Variants in PATL1 observed in about 807,000 individuals in gnomAD.
PATL1 encodes protein PAT1 homolog 1.
A neutral mutation model predicts 100.6 loss-of-function variants in PATL1; 32 were observed. The observed-to-expected ratio is 0.32, with a 90% CI of 0.24 to 0.43. The LOEUF is 0.43. Ranked by LOEUF, PATL1 falls within the 20% of genes least tolerant of loss-of-function variation. The pLI is 1.00. For synonymous variants in PATL1, 332 were observed against 330.0 expected (o/e 1.01, Z -0.07); for missense variants, 747 against 949.9 (o/e 0.79, Z 2.81).
At position 59,643,023 on chromosome 11, in the gene PATL1, A is replaced by G. The variant is rs1490143102; in HGVS notation, c.1906T>C (p.Leu636=). ...KDAQDEVLPC[L]LSPFSLLLYH... ...AGAAGGAGAGAGAAGGGACTCAGTA[A>G]GCATGGCAGCACCTACAAAAAACAA... Residue 636 remains leucine, a synonymous_variant, in exon 16 of 19, where the codon TTA becomes CTA. Coordinates refer to ENST00000300146, the MANE Select transcript of PATL1 (RefSeq NM_152716.3). 1 of 1,613,942 alleles carries G rather than the reference A, an allele frequency of 6.2e-7. No individual in the cohort carries two copies. The highest frequency in any genetic ancestry group is 2.2e-5 in the East Asian group (1 of 44,862).
In PATL1 at chr11:59,638,273, C is replaced by T. The variant is rs1861222159; in HGVS notation, c.*117G>A. On this transcript the variant is annotated 3_prime_UTR_variant, in exon 19 of 19. Transcript: ENST00000300146. ...CCCCTGTAAACAGGAATCGATCCCA[C>T]AAGACTTTGCTTTGGGGAAAAAGCT... 1 of 1,034,822 alleles carries T rather than the reference C, an allele frequency of 9.7e-7. No individual in the cohort carries two copies. Among genetic ancestry groups the T allele is most frequent in the South Asian group, 1.4e-5 (1 of 73,210 alleles). The allele number at this position is 1,034,822 out of a possible 1,614,324, so 64.1% of individuals were successfully genotyped here.
chr11:59,644,369 T>C (rs200588664), intron 15 of PATL1, among the ~76,000 whole-genome samples: 2 of 152,250 alleles, frequency 1.3e-5, no homozygotes, highest in East Asian at 1.9e-4. Context: ...TATCATCTAG[T>C]ATCTGTTTCA....
Position 59,639,078 on chromosome 11 carries a change from T to G in PATL1, c.2261A>C (p.Gln754Pro). The G allele has an allele frequency of 6.2e-7, 1 of 1,613,912 alleles. No homozygotes were observed. ...VSLFSRYVDR[Q>P]KLNLLETKLQ... ...TTTTGTCTCCAGCAAGTTCAGTTTC[T>G]GCCGGTCAACATAGCGAGAAAAGAG... Residue 754 changes from glutamine to proline, a missense_variant, in exon 18 of 19, where the codon CAG becomes CCG. Gln to Pro is a moderately conservative substitution (Grantham distance 76, BLOSUM62 -1). Transcript: ENST00000300146.
In PATL1 at chr11:59,652,913, T is replaced by C. The variant is rs1861466760; in HGVS notation, c.1227A>G (p.Glu409=). The change falls in exon 10 of 19, where the codon GAA becomes GAG. Residue 409 remains glutamate (E), a synonymous_variant. Coordinates refer to ENST00000300146, the MANE Select transcript of PATL1 (RefSeq NM_152716.3). ...DPYANLMLQR[E]KDWVSKIQMM... is the part of the protein sequence containing the mutation. Reference sequence around the variant, plus strand: ...TCTGGATTTTAGAGACCCAATCCTTTTCCCGCTGCAACATGAGATTGGCAT... The same window carrying C: ...TCTGGATTTTAGAGACCCAATCCTTCTCCCGCTGCAACATGAGATTGGCAT... 1.2e-5 allele frequency: 20 copies of C among 1,613,988 alleles called. No individual in the cohort carries two copies. Among genetic ancestry groups the C allele is most frequent in the Non-Finnish European group, 1.7e-5 (20 of 1,179,882 alleles).
chr11:59,667,921 C>T (rs529972006), intron 1 of PATL1, among the ~76,000 whole-genome samples: 2 of 152,194 alleles, frequency 1.3e-5, no homozygotes, highest in Non-Finnish European at 2.9e-5. Context: ...ATTCCATATT[C>T]TATCAGTAGG....
At position 59,652,737 on chromosome 11, in the gene PATL1, G is replaced by T. The variant is rs974556969; in HGVS notation, c.1302+101C>A. ...GTGCAAGATGCTAAGTACCTCAAAA[G>T]AAAATTTTACAAATATTTAATTGTA... On this transcript the variant is annotated intron_variant, in intron 10 of 18. Transcript: ENST00000300146. 1.4e-5 allele frequency: 21 copies of T among 1,499,134 alleles called. No individual in the cohort carries two copies. The African/African-American group carries it at 2.0e-4, about 14-fold the overall frequency. 92.9% of individuals were successfully genotyped at this position (1,499,134 alleles called of 1,614,324 possible). A position where few individuals can be genotyped will look rare whatever the true frequency, so the allele number is the denominator to read the frequency against.
chr11:59,645,520 T>C (rs552732640), intron 15 of PATL1, among the ~76,000 whole-genome samples: 66 of 151,998 alleles, frequency 4.3e-4, no homozygotes, highest in African/African-American at 1.6e-3. Context: ...GCTAAAATTC[T>C]TCTACAAAGA....
At chr11:59,667,005 C>A in intron 1 of PATL1, 41 bp from the exon 2 acceptor site, 1 of 1,523,318 alleles carries the variant, frequency 6.6e-7, no homozygotes, top group Non-Finnish European at 8.8e-7. Context: ...ATGAAATTCA[C>A]ACCCTCATTT....
intron 18 of PATL1, 63 bp from the exon 19 acceptor site, chr11:59,638,474 C>T (rs1487531172): frequency 1.8e-5 from 25 of 1,393,720 alleles, no homozygotes. Flanking sequence ...GGCAATCTTT[C>T]ATATTACAGT....
chr11:59,656,589 C>A lies in PATL1; in HGVS notation c.633G>T (p.Pro211=), dbSNP rs754003180. ...TTGGGGGCCGAACATGGACAGGCTT[C>A]GGACACAGAATCTATCAGGACAAAC... ...VPSFTQQILC[P]KPVHVRPPMP... is the part of the protein sequence containing the mutation. The change falls in exon 6 of 19, where the codon CCG becomes CCT. Residue 211 remains proline (P), a synonymous_variant. Transcript: ENST00000300146. 2 of 1,613,634 alleles carry A rather than the reference C, an allele frequency of 1.2e-6. No homozygotes were observed. Among genetic ancestry groups the A allele is most frequent in the African/African-American group, 1.3e-5 (1 of 74,876 alleles).
intron 11 of PATL1, among the ~76,000 whole-genome samples, chr11:59,651,852 G>A (rs1231710152): frequency 6.6e-6 from 1 of 151,460 alleles, no homozygotes; most frequent in African/African-American, 2.4e-5. Context: ...ATCACTTGAG[G>A]CCAGGAGTCC....
chr11:59,642,746 T>C (rs765448278), intron 16 of PATL1, 134 bp downstream of exon 16: 111 of 928,148 alleles, frequency 1.2e-4, no homozygotes, highest in Middle Eastern at 7.1e-4. Flanking sequence ...AGCCGGTTAC[T>C]AGGAGCTTAA....
intron 15 of PATL1, among the ~76,000 whole-genome samples, chr11:59,645,023 ACT>A (rs1491387577): frequency 8.6e-6 from 1 of 116,072 alleles, no homozygotes; most frequent in Non-Finnish European, 1.7e-5. Flanking sequence ...TTCCCCATCC[ACT>A]TTTTTTTTTT....
intron 15 of PATL1, among the ~76,000 whole-genome samples, chr11:59,644,719 G>C (rs1023809735): frequency 1.4e-4 from 22 of 152,022 alleles, no homozygotes; most frequent in African/African-American, 5.3e-4. Flanking sequence ...GGAGGGACAT[G>C]TGAGAAAACG....
rs1385943721 is a variant in PATL1 at position 59,655,460 on chromosome 11, T to A, written c.1031+63A>T. 3.0e-6 allele frequency: 4 copies of A among 1,343,400 alleles called. 1 individual carries two copies. The highest frequency in any genetic ancestry group is 5.1e-4 in the Middle Eastern group (2 of 3,914). 83.2% of individuals were successfully genotyped at this position (1,343,400 alleles called of 1,614,324 possible). On this transcript the variant is annotated intron_variant, in intron 8 of 18. Transcript: ENST00000300146. The stretch of plus-strand genomic sequence containing the variant: ...GCAAATATCAAGAGACTTATAAAAC[T>A]ACACATCCACAATCAAGAGACTTGG...
At chr11:59,653,871 G>A in intron 9 of PATL1, 112 bp downstream of exon 9, 1 of 848,754 alleles carries the variant, frequency 1.2e-6, no homozygotes, top group Non-Finnish European at 1.9e-6. Flanking sequence ...CCAGGTTTAT[G>A]GATATGAAGT....
At chr11:59,654,576 C>T (rs1213952548) in intron 8 of PATL1, among the ~76,000 whole-genome samples, 2 of 150,424 alleles carry the variant, frequency 1.3e-5, no homozygotes, top group Non-Finnish European at 3.0e-5. Context: ...TCTACAAAGA[C>T]CAAGTTCTAA....
Position 59,657,672 on chromosome 11 carries a change from T to TG in PATL1, c.478dup (p.Gln160ProfsTer6), listed in dbSNP as rs757903860. Reference sequence around the variant, plus strand: ...AAGGTCCCGATCATCTTCTGGACCCTGGGGGGGCCTCTGAGGCAAAGCATA... The same window carrying TG: ...AAGGTCCCGATCATCTTCTGGACCCTGGGGGGGGCCTCTGAGGCAAAGCATA... On this transcript the variant is annotated frameshift_variant, in exon 5 of 19. Coordinates refer to ENST00000300146, the MANE Select transcript of PATL1 (RefSeq NM_152716.3). LOFTEE classifies it high-confidence loss of function. 1.9e-6 allele frequency: 3 copies of TG among 1,613,302 alleles called. No homozygotes were observed. The highest frequency in any genetic ancestry group is 1.7e-6 in the Non-Finnish European group (2 of 1,179,660).
At chr11:59,658,602 C>T (rs1432606140) in intron 4 of PATL1, among the ~76,000 whole-genome samples, 2 of 152,054 alleles carry the variant, frequency 1.3e-5, no homozygotes, top group East Asian at 3.9e-4. Context: ...GGATTACACG[C>T]GTGAGCCACC....
Sources: allele counts gnomAD v4.1 joint callset (sites outside exome capture counted in the v4.1 genomes callset), GRCh38; gene constraint gnomAD v4.1.1; transcripts MANE v1.5; gene names NCBI Gene and HGNC (gene_info 2026-07-23, HGNC 2026-07-21).